SBF2: variants seen among roughly 807,000 people sequenced by gnomAD.
The protein encoded by SBF2 is myotubularin-related protein 13.
A neutral mutation model predicts 225.2 loss-of-function variants in SBF2; 112 were observed. The ratio of observed to expected loss-of-function variants is 0.50; its 90% confidence interval spans 0.43 to 0.58. The LOEUF (loss-of-function observed/expected upper bound fraction) is 0.58. SBF2 is among the 20% of genes least tolerant of loss of function. The pLI is 0.00. For synonymous variants in SBF2, 763 were observed against 773.3 expected, an observed-to-expected ratio of 0.99 and a Z score of 0.22; for missense variants, 1,996 against 2,206.2, an observed-to-expected ratio of 0.90 and a Z score of 1.91.
At chr11:9,791,926 A>T (rs1370917649) in intron 33 of SBF2, among the ~76,000 whole-genome samples, 2 of 152,220 alleles carry the variant, frequency 1.3e-5, no homozygotes. Flanking sequence ...ATTGGAACCA[A>T]GTCCAATGGA....
chr11:9,909,669 C>CA lies in SBF2; in HGVS notation c.1861-13659dup, dbSNP rs10595029. 4.9e-3 allele frequency among the ~76,000 whole-genome samples: 604 copies of CA among 123,086 alleles called. 3 individuals carry two copies. Among genetic ancestry groups the CA allele is most frequent in the East Asian group, 0.029 (116 of 4,040 alleles). The allele number at this position is 123,086 out of a possible 152,430, so 80.7% of individuals were successfully genotyped here. A position where few individuals can be genotyped will look rare whatever the true frequency, so the allele number is the denominator to read the frequency against. On this transcript the variant is annotated intron_variant, in intron 16 of 39. Coordinates refer to ENST00000256190, the MANE Select transcript of SBF2 (RefSeq NM_030962.4). ...TGGGTGACAGAGCGAGACTCTGTCT[C>CA]AAAAAAAAAAAAAAAAAAGATACCC...
intron 6 of SBF2, among the ~76,000 whole-genome samples, chr11:10,003,275 CATTTA>C (rs1948050319): frequency 6.6e-6 from 1 of 152,164 alleles, no homozygotes; most frequent in Non-Finnish European, 1.5e-5. Flanking sequence ...TTAACTATTT[CATTTA>C]ATCCATCTAT....
At chr11:9,900,033 T>A (rs1446082163) in intron 16 of SBF2, among the ~76,000 whole-genome samples, 1 of 52,010 alleles carries the variant, frequency 1.9e-5, no homozygotes, top group African/African-American at 1.1e-4. Flanking sequence ...TTTCTTCTTT[T>A]TTTTTTTTTT....
At chr11:9,800,433 G>A (rs1196787681) in intron 32 of SBF2, among the ~76,000 whole-genome samples, 4 of 151,880 alleles carry the variant, frequency 2.6e-5, no homozygotes, top group Non-Finnish European at 5.9e-5. Context: ...TTGAGATGGA[G>A]TCTCGCTCTG....
intron 17 of SBF2, among the ~76,000 whole-genome samples, chr11:9,877,071 T>G (rs1347119705): frequency 1.3e-5 from 2 of 152,200 alleles, no homozygotes; most frequent in Non-Finnish European, 2.9e-5. Context: ...TAACAATTAT[T>G]TCATTCTATT....
intron 2 of SBF2, among the ~76,000 whole-genome samples, chr11:10,136,073 G>C (rs948365030): frequency 4.6e-5 from 7 of 152,130 alleles, no homozygotes; most frequent in African/African-American, 7.2e-5. Context: ...AAGGTGAAAG[G>C]CATGTCTCAC....
chr11:9,911,074 C>CA (rs201283264), intron 16 of SBF2, among the ~76,000 whole-genome samples: 2,229 of 141,574 alleles, frequency 0.016, 66 homozygotes, highest in African/African-American at 0.054. Context: ...ACAAAAAAAA[C>CA]AAAAAAAACA....
intron 2 of SBF2, among the ~76,000 whole-genome samples, chr11:10,146,724 G>C (rs1199611980): frequency 6.6e-6 from 1 of 152,072 alleles, no homozygotes; most frequent in Non-Finnish European, 1.5e-5. Context: ...TGACAAATGG[G>C]ATCTAATTAA....
chr11:10,248,111 T>A (rs1419373648), intron 1 of SBF2, among the ~76,000 whole-genome samples: 2 of 152,216 alleles, frequency 1.3e-5, no homozygotes, highest in African/African-American at 4.8e-5. Flanking sequence ...ACATTCTAGA[T>A]AAGGCCTGGC....
At chr11:10,007,643 C>T (rs890222459) in intron 6 of SBF2, among the ~76,000 whole-genome samples, 2 of 152,080 alleles carry the variant, frequency 1.3e-5, no homozygotes, top group African/African-American at 2.4e-5. Flanking sequence ...TGGTTCGGGA[C>T]ACTCCTTATT....
chr11:9,962,155 C>G, intron 15 of SBF2, 49 bp from the exon 16 acceptor site: 32 of 1,535,522 alleles, frequency 2.1e-5, no homozygotes, highest in Non-Finnish European at 2.8e-5. Context: ...CTGGGGGAAA[C>G]AACAACTTTC....
intron 2 of SBF2, among the ~76,000 whole-genome samples, chr11:10,173,571 G>A (rs533019513): frequency 6.6e-6 from 1 of 152,330 alleles, no homozygotes; most frequent in South Asian, 2.1e-4. Context: ...CAAGGCGGCA[G>A]CGAGGCTGGG....
chr11:9,979,996 T>C (rs1183770634), intron 13 of SBF2, among the ~76,000 whole-genome samples: 1 of 151,816 alleles, frequency 6.6e-6, no homozygotes. Context: ...TTTTTTTTTT[T>C]TTCAAGACAG....
intron 13 of SBF2, among the ~76,000 whole-genome samples, chr11:9,981,113 C>A (rs1048764061): frequency 6.6e-6 from 1 of 152,190 alleles, no homozygotes. Context: ...TGTGACAAAG[C>A]ACTGACTAAT....
chr11:10,048,986 A>G (rs921845086), intron 2 of SBF2, among the ~76,000 whole-genome samples: 1 of 152,224 alleles, frequency 6.6e-6, no homozygotes, highest in African/African-American at 2.4e-5. Context: ...GGAGCAGTAT[A>G]TAAAGAAAAG....
chr11:9,938,095 T>A (rs539384198), intron 16 of SBF2, among the ~76,000 whole-genome samples: 1 of 151,886 alleles, frequency 6.6e-6, no homozygotes, highest in South Asian at 2.1e-4. Flanking sequence ...ATCGAGACCA[T>A]CCTGGTTAAC....
At position 9,839,594 on chromosome 11, in the gene SBF2, C is replaced by T. The variant is rs1374475303; in HGVS notation, c.3359G>A (p.Arg1120His). Residue 1120 changes from arginine (R) to histidine (H), a missense_variant, in exon 26 of 40, where the codon CGT becomes CAT. By Grantham distance (29) the Arg-to-His change is conservative (BLOSUM62 0). Transcript: ENST00000256190. ...VEKACFRDYQ[R>H]LGLGTISGSS... ...GCCACTTATGGTTCCTAAACCTAAA[C>T]GCTGATAGTCTCTGAAACAAGCTTT... The T allele has an allele frequency of 3.1e-6, 5 of 1,614,100 alleles. No homozygotes were observed. Among genetic ancestry groups the T allele is most frequent in the East Asian group, 2.2e-5 (1 of 44,874 alleles).
chr11:9,798,961 A>AAAC (rs1554903787), intron 32 of SBF2, among the ~76,000 whole-genome samples: 3 of 151,582 alleles, frequency 2.0e-5, no homozygotes, highest in Non-Finnish European at 4.4e-5. Flanking sequence ...CAAAAAAAAA[A>AAAC]AAAACCAAAA....
At chr11:10,275,899 A>G (rs1230490011) in intron 1 of SBF2, among the ~76,000 whole-genome samples, 8 of 152,182 alleles carry the variant, frequency 5.3e-5, no homozygotes, top group Admixed American at 5.2e-4. Flanking sequence ...CTCTAAATTT[A>G]TGTGGTATTC....
Sources: allele counts gnomAD v4.1 joint callset (sites outside exome capture counted in the v4.1 genomes callset), GRCh38; gene constraint gnomAD v4.1.1; transcripts MANE v1.5; gene names NCBI Gene and HGNC (gene_info 2026-07-23, HGNC 2026-07-21).